Variants in RNF13 observed in about 807,000 individuals in gnomAD.
RNF13 encodes ring finger protein 13.
A neutral mutation model predicts 37.7 loss-of-function variants in RNF13; 19 were observed. The observed-to-expected ratio is 0.50, with a 90% confidence interval of 0.35 to 0.74. The LOEUF (loss-of-function observed/expected upper bound fraction) is 0.74, where lower values mean the gene tolerates loss of function less well. RNF13 is among the 30% of genes least tolerant of loss of function. RNF13 has a pLI of 0.01. For synonymous variants in RNF13, 144 were observed against 157.8 expected (o/e 0.91, Z 0.65); for missense variants, 375 against 453.0 (o/e 0.83, Z 1.56).
chr3:149,844,507 C>T (rs1168764003), intron 1 of RNF13, among the ~76,000 whole-genome samples: 1 of 152,092 alleles, frequency 6.6e-6, no homozygotes, highest in East Asian at 1.9e-4. Context: ...ATTCTAGATC[C>T]TAGAAGGAAA....
At chr3:149,954,165 G>GTGGT (rs1721625631) in intron 8 of RNF13, among the ~76,000 whole-genome samples, 1 of 151,792 alleles carries the variant, frequency 6.6e-6, no homozygotes, top group Non-Finnish European at 1.5e-5. Flanking sequence ...GTGTACTCTA[G>GTGGT]TGGTTTTGAC....
chr3:149,893,882 C>G (rs541986985), intron 4 of RNF13: 14 of 152,242 alleles, frequency 9.2e-5, no homozygotes, highest in African/African-American at 3.1e-4. Context: ...TGATTTCTTG[C>G]CATTCCTACA....
chr3:149,832,963 C>G (rs777604600), intron 1 of RNF13, among the ~76,000 whole-genome samples: 1 of 152,016 alleles, frequency 6.6e-6, no homozygotes, highest in African/African-American at 2.4e-5. Flanking sequence ...GAATCAACAT[C>G]AATTTTTCTC....
chr3:149,857,687 G>A (rs752088835), intron 3 of RNF13, among the ~76,000 whole-genome samples: 6 of 152,112 alleles, frequency 3.9e-5, no homozygotes, highest in East Asian at 1.9e-4. Context: ...ACTTTCCTAC[G>A]TCCTCAAAAA....
At chr3:149,927,603 C>G (rs1041178142) in intron 8 of RNF13, among the ~76,000 whole-genome samples, 5 of 152,164 alleles carry the variant, frequency 3.3e-5, no homozygotes, top group African/African-American at 4.8e-5. Context: ...GTTCATATTT[C>G]TCCACATCCT....
At chr3:149,941,323 G>T (rs193286042) in intron 8 of RNF13, among the ~76,000 whole-genome samples, 2 of 152,144 alleles carry the variant, frequency 1.3e-5, no homozygotes, top group African/African-American at 4.8e-5. Context: ...CCCATCACCA[G>T]TGCACAAGGG....
chr3:149,834,893 C>T (rs1450822530), intron 1 of RNF13, among the ~76,000 whole-genome samples: 1 of 152,162 alleles, frequency 6.6e-6, no homozygotes, highest in Non-Finnish European at 1.5e-5. Flanking sequence ...ACTAAGGTGT[C>T]AAGATCATTT....
intron 8 of RNF13, among the ~76,000 whole-genome samples, chr3:149,940,264 A>C (rs1159969371): frequency 6.6e-6 from 1 of 152,174 alleles, no homozygotes; most frequent in African/African-American, 2.4e-5. Flanking sequence ...CTTTCAAATA[A>C]CACTATACTT....
intron 8 of RNF13, among the ~76,000 whole-genome samples, chr3:149,958,140 G>C (rs1722038235): frequency 6.6e-6 from 1 of 152,158 alleles, no homozygotes; most frequent in South Asian, 2.1e-4. Flanking sequence ...AAATATACCT[G>C]TATTAGTTTC....
intron 3 of RNF13, among the ~76,000 whole-genome samples, chr3:149,867,365 A>C (rs866890677): frequency 9.2e-5 from 14 of 151,504 alleles, no homozygotes; most frequent in Middle Eastern, 6.8e-3. Context: ...TCCCGGGTTC[A>C]CACCATTCTC....
At chr3:149,843,140 T>C (rs1722328137) in intron 1 of RNF13, among the ~76,000 whole-genome samples, 1 of 152,188 alleles carries the variant, frequency 6.6e-6, no homozygotes, top group Non-Finnish European at 1.5e-5. Flanking sequence ...CTTGAAACAA[T>C]ACAGCATAAC....
Position 149,874,981 on chromosome 3 carries a change from G to A in RNF13, c.321+2827G>A, listed in dbSNP as rs568334163. 1.6e-4 allele frequency among the ~76,000 whole-genome samples: 24 copies of A among 152,176 alleles called. 1 individual carries two copies. Among genetic ancestry groups the A allele is most frequent in the African/African-American group, 5.8e-4 (24 of 41,560 alleles). ...ACAGTTTTATATTAAGTGTGTTGTG[G>A]AATTCAGTCATCAGTGTTAATATAT... is the stretch of plus-strand genomic sequence containing the variant. On this transcript the variant is annotated intron_variant, in intron 4 of 9. Transcript: ENST00000392894.
At chr3:149,834,788 C>G (rs1032118560) in intron 1 of RNF13, among the ~76,000 whole-genome samples, 1 of 152,166 alleles carries the variant, frequency 6.6e-6, no homozygotes, top group African/African-American at 2.4e-5. Context: ...TTGGTACCAT[C>G]CTTCTTGTAC....
chr3:149,857,651 A>G, intron 3 of RNF13, among the ~76,000 whole-genome samples: 1 of 152,372 alleles, frequency 6.6e-6, no homozygotes, highest in South Asian at 2.1e-4. Context: ...GAAAAGATAA[A>G]TAATGTTACT....
At chr3:149,954,812 C>T (rs1721700367) in intron 8 of RNF13, among the ~76,000 whole-genome samples, 1 of 152,112 alleles carries the variant, frequency 6.6e-6, no homozygotes, top group Non-Finnish European at 1.5e-5. Flanking sequence ...CTGAAGCAGC[C>T]AGCATCCTTA....
At chr3:149,937,978 CTT>C (rs1438183143) in intron 8 of RNF13, among the ~76,000 whole-genome samples, 1 of 151,900 alleles carries the variant, frequency 6.6e-6, no homozygotes, top group East Asian at 1.9e-4. Context: ...CAACTGTGTC[CTT>C]ACTGATTTTC....
intron 3 of RNF13, among the ~76,000 whole-genome samples, chr3:149,856,839 CTGGGTT>C (rs1723701946): frequency 1.3e-5 from 2 of 152,188 alleles, no homozygotes; most frequent in Non-Finnish European, 2.9e-5. Context: ...CTCCGGCCTT[CTGGGTT>C]CACGCCATTC....
At chr3:149,903,107 T>A (rs1185263485) in intron 6 of RNF13, among the ~76,000 whole-genome samples, 1 of 152,154 alleles carries the variant, frequency 6.6e-6, no homozygotes, top group Non-Finnish European at 1.5e-5. Flanking sequence ...ACTGTTATTG[T>A]TAGTTCCCCA....
At chr3:149,875,206 C>A (rs1255393360) in intron 4 of RNF13, among the ~76,000 whole-genome samples, 1 of 151,980 alleles carries the variant, frequency 6.6e-6, no homozygotes, top group Non-Finnish European at 1.5e-5. Context: ...TTTTGGCATG[C>A]CTCTTATCCA....
Sources: gnomAD v4.1 joint callset for allele counts (sites outside exome capture counted in the v4.1 genomes callset) on GRCh38, gnomAD v4.1.1 for gene constraint, MANE v1.5 for transcripts, NCBI Gene and HGNC (gene_info 2026-07-23, HGNC 2026-07-21) for gene names.